Variants in PLS1 observed in about 807,000 individuals in gnomAD.
PLS1 encodes the protein plastin 1, also known as plastin-1.
PLS1 carries 32 observed loss-of-function variants against 73.7 expected under a neutral mutation model. The observed-to-expected ratio is 0.43, with a 90% CI of 0.33 to 0.58. The LOEUF is 0.58. PLS1 is among the 20% of genes least tolerant of loss of function. The probability of loss-of-function intolerance (pLI) is 0.04; values close to 1 mark genes in which losing one functional copy is unlikely to be tolerated. For synonymous variants in PLS1, 217 were observed against 261.3 expected (o/e 0.83, Z 1.63); for missense variants, 633 against 740.5 (o/e 0.85, Z 1.68).
chr3:142,647,056 A>C (rs6808302), intron 1 of PLS1, among the ~76,000 whole-genome samples: 1 of 151,968 alleles, frequency 6.6e-6, no homozygotes, highest in South Asian at 2.1e-4. Flanking sequence ...AAGTTGGCCA[A>C]TGTTGGCCTG....
Position 142,713,606 on chromosome 3 carries a change from C to T in PLS1, c.*1599C>T, listed in dbSNP as rs1432709894. ...TATTGGATTTACATGAAATCTGGCA[C>T]TTTAGGGTGTTCTTTTTCTCACAGA... On this transcript the variant is annotated 3_prime_UTR_variant, in exon 16 of 16. Coordinates refer to ENST00000457734, the MANE Select transcript of PLS1 (RefSeq NM_001145319.2). 1.3e-5 allele frequency: 2 copies of T among 152,278 alleles called. No homozygotes were observed. Among genetic ancestry groups the T allele is most frequent in the Non-Finnish European group, 2.9e-5 (2 of 67,954 alleles). 9.4% of individuals were successfully genotyped at this position (152,278 alleles called of 1,614,324 possible). A position where few individuals can be genotyped will look rare whatever the true frequency, so the allele number is the denominator to read the frequency against.
At chr3:142,614,628 CAT>C (rs1383607987) in intron 1 of PLS1, among the ~76,000 whole-genome samples, 1 of 152,178 alleles carries the variant, frequency 6.6e-6, no homozygotes, top group Non-Finnish European at 1.5e-5. Context: ...CCACAGAGGA[CAT>C]GTGTCCAGGC....
At chr3:142,710,459 C>T (rs1933066950) in intron 14 of PLS1, among the ~76,000 whole-genome samples, 1 of 152,054 alleles carries the variant, frequency 6.6e-6, no homozygotes, top group South Asian at 2.1e-4. Context: ...TTTTGTCTCT[C>T]CCATGAAATT....
chr3:142,654,502 G>T (rs2037174550), intron 1 of PLS1, among the ~76,000 whole-genome samples: 1 of 152,014 alleles, frequency 6.6e-6, no homozygotes, highest in Non-Finnish European at 1.5e-5. Context: ...GTACCACCAT[G>T]CCTGGCTAAC....
At chr3:142,627,179 T>C (rs985497816) in intron 1 of PLS1, among the ~76,000 whole-genome samples, 1 of 152,226 alleles carries the variant, frequency 6.6e-6, no homozygotes, top group Non-Finnish European at 1.5e-5. Flanking sequence ...GGGTGTGACC[T>C]CAGTTTTCTT....
intron 1 of PLS1, among the ~76,000 whole-genome samples, chr3:142,659,040 G>A (rs113092849): frequency 3.5e-4 from 54 of 152,320 alleles, no homozygotes; most frequent in African/African-American, 1.3e-3. Flanking sequence ...TTTAAGGGAT[G>A]ATGCTTGTAC....
chr3:142,710,167 CTTTTT>C (rs201238880), intron 14 of PLS1, among the ~76,000 whole-genome samples: 1 of 131,612 alleles, frequency 7.6e-6, no homozygotes, highest in African/African-American at 2.8e-5. Context: ...ATTCAGGACT[CTTTTT>C]TTTTTTTTTT....
intron 11 of PLS1, among the ~76,000 whole-genome samples, chr3:142,695,187 T>C (rs2038168226): frequency 6.6e-6 from 1 of 152,164 alleles, no homozygotes; most frequent in African/African-American, 2.4e-5. Context: ...CAGCTAGTTG[T>C]ATTTTTTTTT....
intron 9 of PLS1, among the ~76,000 whole-genome samples, chr3:142,689,025 G>GT (rs1313037453): frequency 2.0e-5 from 3 of 152,156 alleles, no homozygotes; most frequent in Admixed American, 6.5e-5. Context: ...AGTGCAACCA[G>GT]TAGGAGCTTA....
intron 1 of PLS1, among the ~76,000 whole-genome samples, chr3:142,625,197 G>A (rs17623058): frequency 0.11 from 17,093 of 152,146 alleles, 1,001 homozygotes; most frequent in Non-Finnish European, 0.13. Context: ...ATAAACTGCA[G>A]AAACAAACCT....
chr3:142,603,824 G>C (rs1209254710), intron 1 of PLS1, among the ~76,000 whole-genome samples: 2 of 151,100 alleles, frequency 1.3e-5, no homozygotes, highest in Admixed American at 6.6e-5. Context: ...ACTGCACACA[G>C]ACATGCCTCC....
At chr3:142,650,827 C>T (rs1263062739) in intron 1 of PLS1, among the ~76,000 whole-genome samples, 1 of 152,084 alleles carries the variant, frequency 6.6e-6, no homozygotes, top group African/African-American at 2.4e-5. Context: ...CCCAGAGAGC[C>T]AGAGAAGGCC....
chr3:142,609,312 A>C (rs1262058040), intron 1 of PLS1, among the ~76,000 whole-genome samples: 1 of 152,204 alleles, frequency 6.6e-6, no homozygotes, highest in Non-Finnish European at 1.5e-5. Flanking sequence ...GCTGTTCTCC[A>C]GGGCAGCTCA....
intron 14 of PLS1, among the ~76,000 whole-genome samples, chr3:142,706,921 A>G (rs62278483): frequency 0.072 from 11,017 of 152,228 alleles, 603 homozygotes; most frequent in Middle Eastern, 0.17. Flanking sequence ...TTCAGTTTTA[A>G]GCTTGAATTT....
At chr3:142,645,308 T>C (rs922012102) in intron 1 of PLS1, 1 of 152,114 alleles carries the variant, frequency 6.6e-6, no homozygotes, top group African/African-American at 2.4e-5. Flanking sequence ...AAGGCCAGCG[T>C]TGGATTGTGT....
intron 1 of PLS1, among the ~76,000 whole-genome samples, chr3:142,634,677 T>C (rs1240758738): frequency 2.0e-5 from 3 of 152,004 alleles, no homozygotes; most frequent in Non-Finnish European, 4.4e-5. Context: ...ATTAAGGACT[T>C]TTTAGACATG....
At chr3:142,633,338 A>G (rs1357018158) in intron 1 of PLS1, among the ~76,000 whole-genome samples, 1 of 152,250 alleles carries the variant, frequency 6.6e-6, no homozygotes, top group Admixed American at 6.5e-5. Flanking sequence ...ACTGAAATGT[A>G]TACTTAAAAA....
In PLS1 at chr3:142,669,569, C is replaced by T; in HGVS notation, c.234+16C>T. On this transcript the variant is annotated intron_variant, in intron 3 of 15. Transcript: ENST00000457734. Reference sequence around the variant, plus strand: ...GTTTGTGTCAGTAAGTAATCTAATCCTTTCGGGCTACTGATAATCTTGCTT... The same window carrying T: ...GTTTGTGTCAGTAAGTAATCTAATCTTTTCGGGCTACTGATAATCTTGCTT... The T allele has an allele frequency of 6.3e-7, 1 of 1,590,216 alleles. No individual in the cohort carries two copies. Among genetic ancestry groups the T allele is most frequent in the South Asian group, 1.1e-5 (1 of 88,500 alleles).
chr3:142,666,606 T>C (rs2037485084), intron 2 of PLS1, among the ~76,000 whole-genome samples: 1 of 152,248 alleles, frequency 6.6e-6, no homozygotes, highest in Non-Finnish European at 1.5e-5. Context: ...GCTATGAACA[T>C]GGGTCTACAA....
Sources: gnomAD v4.1 joint callset for allele counts (sites outside exome capture counted in the v4.1 genomes callset) on GRCh38, gnomAD v4.1.1 for gene constraint, MANE v1.5 for transcripts, NCBI Gene and HGNC (gene_info 2026-07-23, HGNC 2026-07-21) for gene names.